Variants in GABBR2 observed in about 807,000 individuals in gnomAD.
The protein encoded by GABBR2 is gamma-aminobutyric acid type B receptor subunit 2.
GABBR2 carries 23 observed loss-of-function variants against 105.6 expected under a neutral mutation model. The ratio of observed to expected loss-of-function variants is 0.22; its 90% CI spans 0.16 to 0.31. GABBR2 has a LOEUF of 0.31. Ranked by LOEUF, GABBR2 falls within the 10% of genes least tolerant of loss-of-function variation. The pLI is 1.00. For synonymous variants in GABBR2, 478 were observed against 499.7 expected, an observed-to-expected ratio of 0.96 and a Z score of 0.58; for missense variants, 734 against 1,245.5, an observed-to-expected ratio of 0.59 and a Z score of 6.18.
chr9:98,384,945 G>A (rs765881248), intron 11 of GABBR2, among the ~76,000 whole-genome samples: 12 of 152,106 alleles, frequency 7.9e-5, no homozygotes, highest in Non-Finnish European at 1.6e-4. Context: ...GGAAAAAACC[G>A]TTGAAGAAAA....
At position 98,551,836 on chromosome 9, in the gene GABBR2, T is replaced by TC. The variant is rs34381063; in HGVS notation, c.460-9794dup. Among the ~76,000 whole-genome samples the TC allele has an allele frequency of 8.7e-3, 1,322 of 152,252 alleles. 17 individuals carry two copies. The highest frequency in any genetic ancestry group is 0.03 in the African/African-American group (1,242 of 41,538). On this transcript the variant is annotated intron_variant, in intron 2 of 18. Coordinates refer to ENST00000259455, the MANE Select transcript of GABBR2 (RefSeq NM_005458.8). ...ACTGAGAGAACAAGGGTAAGTCATT[T>TC]CCCCCCTTTTAGATGTCTGTTTTTC...
intron 1 of GABBR2, among the ~76,000 whole-genome samples, chr9:98,597,771 A>C (rs1829259340): frequency 6.6e-6 from 1 of 152,178 alleles, no homozygotes; most frequent in Non-Finnish European, 1.5e-5. Flanking sequence ...GATGATTGGG[A>C]AGAGCAGGGA....
At chr9:98,543,200 C>T (rs1828336886) in intron 2 of GABBR2, among the ~76,000 whole-genome samples, 1 of 152,124 alleles carries the variant, frequency 6.6e-6, no homozygotes, top group Admixed American at 6.6e-5. Context: ...CCTCTGATCT[C>T]TGTTCCTTCC....
Position 98,346,322 on chromosome 9 carries a change from C to T in GABBR2, c.1893+16393G>A, listed in dbSNP as rs1831303341. 2.0e-5 allele frequency among the ~76,000 whole-genome samples: 3 copies of T among 152,204 alleles called. No homozygotes were observed. In the South Asian group the frequency reaches 6.2e-4, roughly 31 times the overall value. ...TGGAATATTCTAAGTTCTTTGTTGT[C>T]ATTTCAACAATGTTCACAGCATCTT... On this transcript the variant is annotated intron_variant, in intron 13 of 18. Transcript: ENST00000259455.
At chr9:98,467,442 G>GCAGCAAGGAA (rs1826582484) in intron 6 of GABBR2, among the ~76,000 whole-genome samples, 2 of 152,070 alleles carry the variant, frequency 1.3e-5, no homozygotes, top group Admixed American at 6.5e-5. Context: ...AGGAATGGGA[G>GCAGCAAGGAA]TAGCAAGGAA....
intron 16 of GABBR2, among the ~76,000 whole-genome samples, chr9:98,301,052 G>A (rs1188078217): frequency 3.9e-5 from 6 of 152,144 alleles, no homozygotes; most frequent in African/African-American, 7.2e-5. Context: ...ACCCGTCCTC[G>A]CTCTGTGCAT....
intron 1 of GABBR2, among the ~76,000 whole-genome samples, chr9:98,591,947 C>T (rs1332186942): frequency 6.6e-6 from 1 of 152,208 alleles, no homozygotes; most frequent in Non-Finnish European, 1.5e-5. Flanking sequence ...TATACTTTGG[C>T]AATAAACAAA....
intron 1 of GABBR2, among the ~76,000 whole-genome samples, chr9:98,681,646 A>G (rs1830548976): frequency 6.6e-6 from 1 of 152,226 alleles, no homozygotes; most frequent in South Asian, 2.1e-4. Flanking sequence ...ATATTTTACC[A>G]TGACAACTAA....
chr9:98,566,780 A>AAG (rs1281846801), intron 2 of GABBR2, among the ~76,000 whole-genome samples: 2 of 135,414 alleles, frequency 1.5e-5, no homozygotes, highest in African/African-American at 5.8e-5. Context: ...ATGGGAGGTC[A>AAG]AGGCTGCAAG....
At chr9:98,560,600 G>A (rs1422395475) in intron 2 of GABBR2, among the ~76,000 whole-genome samples, 1 of 151,748 alleles carries the variant, frequency 6.6e-6, no homozygotes, top group African/African-American at 2.4e-5. Flanking sequence ...GAGGAACATT[G>A]TATAGCATTC....
chr9:98,422,913 C>T (rs1235689714), intron 7 of GABBR2, among the ~76,000 whole-genome samples: 4 of 152,096 alleles, frequency 2.6e-5, no homozygotes, highest in Non-Finnish European at 4.4e-5. Context: ...TTTCCAATTT[C>T]ATCCATGTCC....
intron 14 of GABBR2, among the ~76,000 whole-genome samples, chr9:98,309,432 G>A (rs1830603068): frequency 1.3e-5 from 2 of 152,352 alleles, no homozygotes; most frequent in South Asian, 4.1e-4. Context: ...TTCAACCAGG[G>A]TCAGGGAGGC....
chr9:98,507,762 C>A (rs1415955923), intron 3 of GABBR2, among the ~76,000 whole-genome samples: 2 of 152,288 alleles, frequency 1.3e-5, no homozygotes, highest in African/African-American at 4.8e-5. Context: ...CTCTTCTCGG[C>A]TAAACAGAAT....
At chr9:98,417,690 C>T (rs149504458) in intron 7 of GABBR2, among the ~76,000 whole-genome samples, 118 of 152,198 alleles carry the variant, frequency 7.8e-4, no homozygotes, top group Middle Eastern at 3.4e-3. Flanking sequence ...AAGACAAAAT[C>T]GTTGTCTTCT....
intron 7 of GABBR2, among the ~76,000 whole-genome samples, chr9:98,433,471 G>A (rs987617598): frequency 2.0e-5 from 3 of 152,160 alleles, no homozygotes; most frequent in Non-Finnish European, 4.4e-5. Flanking sequence ...GTACACTAAG[G>A]CCTTGAACCT....
chr9:98,475,079 G>C (rs569132999), intron 5 of GABBR2, among the ~76,000 whole-genome samples: 1 of 152,172 alleles, frequency 6.6e-6, no homozygotes, highest in African/African-American at 2.4e-5. Flanking sequence ...CTACCTCAAG[G>C]CAGTGATCAC....
chr9:98,655,069 T>C (rs1415303398), intron 1 of GABBR2, among the ~76,000 whole-genome samples: 1 of 152,098 alleles, frequency 6.6e-6, no homozygotes, highest in Non-Finnish European at 1.5e-5. Flanking sequence ...AATAAAAAGA[T>C]CGGTGGTTGG....
intron 1 of GABBR2, among the ~76,000 whole-genome samples, chr9:98,699,889 G>GTAA (rs899161314): frequency 2.0e-4 from 31 of 152,184 alleles, no homozygotes; most frequent in Non-Finnish European, 2.9e-5. Context: ...AGAAAAGAAA[G>GTAA]TAATAGAATG....
chr9:98,464,883 G>A (rs1195320543), intron 6 of GABBR2, among the ~76,000 whole-genome samples: 1 of 151,960 alleles, frequency 6.6e-6, no homozygotes, highest in South Asian at 2.1e-4. Flanking sequence ...TAAGGGCGGT[G>A]CAAGATGTGC....
Sources: gnomAD v4.1 joint callset for allele counts (sites outside exome capture counted in the v4.1 genomes callset) on GRCh38, gnomAD v4.1.1 for gene constraint, MANE v1.5 for transcripts, NCBI Gene and HGNC (gene_info 2026-07-23, HGNC 2026-07-21) for gene names.